Variants in PPP1R14C observed in about 807,000 individuals in gnomAD.
The protein encoded by PPP1R14C is protein phosphatase 1 regulatory subunit 14C.
Under a neutral mutation model 20.4 loss-of-function variants are expected in PPP1R14C, and 16 were observed. The observed-to-expected ratio is 0.78, with a 90% CI of 0.53 to 1.19. The LOEUF is 1.19. Among genes scored for constraint, PPP1R14C ranks in the 50% most tolerant of loss-of-function variants. The probability of loss-of-function intolerance (pLI) is 0.00; values close to 1 mark genes in which losing one functional copy is unlikely to be tolerated. For missense variants in PPP1R14C, 211 were observed against 220.1 expected, an observed-to-expected ratio of 0.96 and a Z score of 0.26; for synonymous variants, 91 against 91.0, an observed-to-expected ratio of 1.00 and a Z score of 0.00.
At chr6:150,178,777 G>A (rs1191866755) in intron 1 of PPP1R14C, among the ~76,000 whole-genome samples, 2 of 152,172 alleles carry the variant, frequency 1.3e-5, no homozygotes, top group Middle Eastern at 3.2e-3. Flanking sequence ...TGAAGAGATG[G>A]ACTTGGTTTG....
At chr6:150,168,533 C>CAACAAAACAAACCAA (rs1777461807) in intron 1 of PPP1R14C, among the ~76,000 whole-genome samples, 2 of 148,892 alleles carry the variant, frequency 1.3e-5, no homozygotes, top group African/African-American at 5.0e-5. Context: ...ACTCCCGTCT[C>CAACAAAACAAACCAA]AACAAAACAA....
intron 3 of PPP1R14C, among the ~76,000 whole-genome samples, chr6:150,229,582 T>C (rs1778268688): frequency 1.3e-5 from 2 of 152,134 alleles, no homozygotes; most frequent in Admixed American, 6.5e-5. Context: ...ATCTATAAAA[T>C]AGATTAATGG....
chr6:150,207,339 G>C (rs1479003888), intron 1 of PPP1R14C, among the ~76,000 whole-genome samples: 1 of 152,214 alleles, frequency 6.6e-6, no homozygotes, highest in African/African-American at 2.4e-5. Context: ...AAGGCCCAAG[G>C]TGAGGCCATC....
At chr6:150,156,470 C>T (rs981149414) in intron 1 of PPP1R14C, among the ~76,000 whole-genome samples, 2 of 152,164 alleles carry the variant, frequency 1.3e-5, no homozygotes, top group African/African-American at 4.8e-5. Flanking sequence ...CAATAGCGCA[C>T]ACATTGGTAA....
chr6:150,197,931 G>A (rs1428552707), intron 1 of PPP1R14C, among the ~76,000 whole-genome samples: 2 of 118,198 alleles, frequency 1.7e-5, no homozygotes, highest in East Asian at 2.5e-4. Context: ...GTGGAGGAGG[G>A]CCTGGATGCC....
intron 3 of PPP1R14C, among the ~76,000 whole-genome samples, chr6:150,247,977 C>T (rs1303546800): frequency 6.6e-6 from 1 of 152,140 alleles, no homozygotes; most frequent in African/African-American, 2.4e-5. Flanking sequence ...GTTCTGGAGG[C>T]TGGGAAGTCC....
chr6:150,143,493 T>C lies in PPP1R14C; in HGVS notation c.301T>C (p.Cys101Arg), dbSNP rs920437120. The C allele has an allele frequency of 6.6e-7, 1 of 1,525,178 alleles. No homozygotes were observed. Among genetic ancestry groups the C allele is most frequent in the Non-Finnish European group, 8.9e-7 (1 of 1,123,648 alleles). 94.5% of individuals were successfully genotyped at this position (1,525,178 alleles called of 1,614,324 possible). ...IVEQLGQLYGCEEEEMPEVEI... is the reference protein window; with the variant it reads ...IVEQLGQLYGREEEEMPEVEI... ...GGAGCAGCTGGGTCAGCTCTACGGCTGCGAGGTACCTGGGCGCGGGGCTGG... is the reference window on the plus strand; with the variant it reads ...GGAGCAGCTGGGTCAGCTCTACGGCCGCGAGGTACCTGGGCGCGGGGCTGG... Residue 101 changes from cysteine (C) to arginine (R), a missense_variant, in exon 1 of 4, where the codon TGC (cysteine) becomes CGC (arginine). By Grantham distance (180) the Cys-to-Arg change is radical (BLOSUM62 -3). Coordinates refer to ENST00000361131, the MANE Select transcript of PPP1R14C (RefSeq NM_030949.3). The surrounding 1 kb of genome is among the most constrained non-coding windows in gnomAD (Gnocchi z 5.6).
intron 1 of PPP1R14C, among the ~76,000 whole-genome samples, chr6:150,187,782 C>T (rs562931930): frequency 3.2e-4 from 49 of 152,180 alleles, no homozygotes; most frequent in African/African-American, 9.6e-4. Context: ...TATGATAGAA[C>T]GATTTATATT....
intron 3 of PPP1R14C, among the ~76,000 whole-genome samples, chr6:150,218,087 C>T (rs1273581373): frequency 1.3e-5 from 2 of 152,114 alleles, no homozygotes; most frequent in Non-Finnish European, 2.9e-5. Context: ...ACCTGGTCAA[C>T]ATGGCGAGAT....
intron 3 of PPP1R14C, among the ~76,000 whole-genome samples, chr6:150,230,562 G>GT (rs1339346069): frequency 6.6e-6 from 1 of 152,120 alleles, no homozygotes; most frequent in Non-Finnish European, 1.5e-5. Context: ...TGTTGTTGTT[G>GT]TTGTTTGTTT....
intron 1 of PPP1R14C, among the ~76,000 whole-genome samples, chr6:150,146,484 G>C (rs1455064472): frequency 2.6e-5 from 4 of 152,214 alleles, no homozygotes; most frequent in Non-Finnish European, 5.9e-5. Context: ...TTTGCATTTT[G>C]AATTCAAAAT....
In PPP1R14C at chr6:150,143,238, G is replaced by T; in HGVS notation, c.46G>T (p.Gly16Cys). 2 of 1,380,332 alleles carry T rather than the reference G, an allele frequency of 1.4e-6. No individual in the cohort carries two copies. Among genetic ancestry groups the T allele is most frequent in the Non-Finnish European group, 1.9e-6 (2 of 1,076,952 alleles). 85.5% of individuals were successfully genotyped at this position (1,380,332 alleles called of 1,614,324 possible). A position where few individuals can be genotyped will look rare whatever the true frequency, so the allele number is the denominator to read the frequency against. The change falls in exon 1 of 4, where the codon GGC (glycine) becomes TGC (cysteine). Residue 16 changes from glycine (G) to cysteine (C), a missense_variant. Transcript: ENST00000361131. The surrounding 1 kb of genome is among the most constrained non-coding windows in gnomAD (Gnocchi z 5.6). ...CAGCGAGACGGCCGGCGGGGCCAGCGGCGGCGGCGCACGGGTTTTCTTCCA... is the reference window on the plus strand; with the variant it reads ...CAGCGAGACGGCCGGCGGGGCCAGCTGCGGCGGCGCACGGGTTTTCTTCCA... Reference protein sequence around the residue: ...GSSETAGGASGGGARVFFQSP... With the variant: ...GSSETAGGASCGGARVFFQSP...
rs553922557 is a variant in PPP1R14C, at chr6:150,249,719, C to G, written c.*899C>G. Reference sequence around the variant, plus strand: ...ACCGAGTACTGTGTTTATTCTCTCTCCAGGAAAGCAGATCAAAAGAAAGTT... The same window carrying G: ...ACCGAGTACTGTGTTTATTCTCTCTGCAGGAAAGCAGATCAAAAGAAAGTT... On this transcript the variant is annotated 3_prime_UTR_variant, in exon 4 of 4. Coordinates refer to ENST00000361131, the MANE Select transcript of PPP1R14C (RefSeq NM_030949.3). The G allele has an allele frequency of 5.0e-6, 2 of 396,844 alleles. No individual in the cohort carries two copies. Among genetic ancestry groups the G allele is most frequent in the South Asian group, 2.9e-4 (2 of 7,010 alleles). 24.6% of individuals were successfully genotyped at this position (396,844 alleles called of 1,614,324 possible).
At chr6:150,215,448 C>T (rs990291825) in intron 2 of PPP1R14C, among the ~76,000 whole-genome samples, 1 of 152,124 alleles carries the variant, frequency 6.6e-6, no homozygotes, top group East Asian at 1.9e-4. Flanking sequence ...GTTTCTAAAA[C>T]CAATTAACTT....
intron 3 of PPP1R14C, among the ~76,000 whole-genome samples, chr6:150,235,787 G>C (rs533820759): frequency 6.6e-6 from 1 of 152,242 alleles, no homozygotes; most frequent in East Asian, 1.9e-4. Flanking sequence ...GATACTGAGG[G>C]CTCTGGAGAT....
At chr6:150,196,959 T>A (rs2114892850) in intron 1 of PPP1R14C, among the ~76,000 whole-genome samples, 1 of 152,360 alleles carries the variant, frequency 6.6e-6, no homozygotes, top group Admixed American at 6.5e-5. Flanking sequence ...CCAATGGCAT[T>A]TGCAGAAGAT....
chr6:150,224,861 T>C (rs183450615), intron 3 of PPP1R14C, among the ~76,000 whole-genome samples: 25 of 152,296 alleles, frequency 1.6e-4, no homozygotes, highest in African/African-American at 5.8e-4. Context: ...AAGGAACTGC[T>C]GTAAATGGGC....
intron 3 of PPP1R14C, among the ~76,000 whole-genome samples, chr6:150,235,038 A>G (rs1778341349): frequency 6.6e-6 from 1 of 152,188 alleles, no homozygotes; most frequent in Non-Finnish European, 1.5e-5. Context: ...TTGGGACCAG[A>G]TGAGCTCTAA....
chr6:150,208,202 T>C (rs1432643972), intron 1 of PPP1R14C, among the ~76,000 whole-genome samples: 1 of 152,050 alleles, frequency 6.6e-6, no homozygotes, highest in Non-Finnish European at 1.5e-5. Flanking sequence ...TCAAACCACA[T>C]CCAAACCATA....
Sources: allele counts gnomAD v4.1 joint callset (sites outside exome capture counted in the v4.1 genomes callset), GRCh38; gene constraint gnomAD v4.1.1; non-coding constraint Gnocchi (gnomAD v3.1); transcripts MANE v1.5; gene names NCBI Gene and HGNC (gene_info 2026-07-23, HGNC 2026-07-21).